Variants in EIF2AK3 observed in about 807,000 individuals in gnomAD.
The protein encoded by EIF2AK3 is eukaryotic translation initiation factor 2 alpha kinase 3, also known as eukaryotic translation initiation factor 2-alpha kinase 3.
In EIF2AK3, 50 loss-of-function variants were observed where a neutral mutation model predicts 113.5. The observed-to-expected ratio is 0.44, with a 90% CI of 0.35 to 0.56. EIF2AK3 has a LOEUF of 0.56. EIF2AK3 is among the 20% of genes least tolerant of loss of function. EIF2AK3 has a pLI of 0.00. For missense variants in EIF2AK3, 1,185 were observed against 1,378.0 expected (o/e 0.86, Z 2.22); for synonymous variants, 448 against 495.4 (o/e 0.90, Z 1.27).
At chr2:88,616,843 A>G (rs1408849357) in intron 1 of EIF2AK3, among the ~76,000 whole-genome samples, 1 of 152,222 alleles carries the variant, frequency 6.6e-6, no homozygotes, top group Non-Finnish European at 1.5e-5. Context: ...CTGGTCAGGA[A>G]TACAAGATGC....
At chr2:88,594,072 A>G (rs1172967337) in intron 3 of EIF2AK3, 3 of 295,370 alleles carry the variant, frequency 1.0e-5, no homozygotes, top group Non-Finnish European at 1.5e-5. Flanking sequence ...CCTCAACACA[A>G]TGCAGATGCA....
At chr2:88,592,463 G>C (rs1376453728) in intron 4 of EIF2AK3, among the ~76,000 whole-genome samples, 1 of 152,044 alleles carries the variant, frequency 6.6e-6, no homozygotes, top group Non-Finnish European at 1.5e-5. Flanking sequence ...TGATGAGATT[G>C]CTATAAAAAA....
intron 1 of EIF2AK3, among the ~76,000 whole-genome samples, chr2:88,618,688 G>A (rs1422951275): frequency 6.6e-6 from 1 of 152,198 alleles, no homozygotes; most frequent in Non-Finnish European, 1.5e-5. Context: ...TTATGATGTG[G>A]ATGAAGAAGG....
rs565364739 is a variant in EIF2AK3 at position 88,619,942 on chromosome 2, C to T, written c.309-6089G>A. 5.3e-4 allele frequency among the ~76,000 whole-genome samples: 71 copies of T among 133,384 alleles called. 1 individual carries two copies. The highest frequency in any genetic ancestry group is 1.9e-3 in the African/African-American group (67 of 35,180). 87.5% of individuals were successfully genotyped at this position (133,384 alleles called of 152,430 possible). On this transcript the variant is annotated intron_variant, in intron 1 of 16. Transcript: ENST00000303236. ...CTGCACTCCAGCCTGCACGACAGAG[C>T]GAGACTCCGTCTCAAAAAAAAAAAA...
At chr2:88,558,894 T>A in intron 16 of EIF2AK3, 23 bp downstream of exon 16, 1 of 1,552,486 alleles carries the variant, frequency 6.4e-7, no homozygotes. Context: ...CTAAAGAAGA[T>A]AAAAGATGAG....
At chr2:88,562,172 A>C in intron 15 of EIF2AK3, 117 bp downstream of exon 15, 2 of 785,854 alleles carry the variant, frequency 2.5e-6, no homozygotes, top group Non-Finnish European at 4.4e-6. Context: ...CACCTCTTTC[A>C]CTTTTAGTTA....
intron 2 of EIF2AK3, among the ~76,000 whole-genome samples, chr2:88,608,349 G>A (rs373441456): frequency 3.3e-5 from 5 of 152,070 alleles, no homozygotes; most frequent in African/African-American, 1.2e-4. Flanking sequence ...CAGGAGGCAC[G>A]TGCCACTGTG....
chr2:88,589,784 A>G (rs1285210190), intron 6 of EIF2AK3, among the ~76,000 whole-genome samples: 1 of 151,952 alleles, frequency 6.6e-6, no homozygotes, highest in Non-Finnish European at 1.5e-5. Context: ...CCTGGGGTCA[A>G]GCGATCCTCC....
At chr2:88,568,624 C>A (rs371554944) in intron 14 of EIF2AK3, among the ~76,000 whole-genome samples, 1 of 152,284 alleles carries the variant, frequency 6.6e-6, no homozygotes, top group East Asian at 1.9e-4. Flanking sequence ...ATGCTAATAA[C>A]CCTGATCCAA....
chr2:88,588,685 CA>C (rs1283792332), intron 7 of EIF2AK3, 75 bp downstream of exon 7: 40 of 1,537,756 alleles, frequency 2.6e-5, no homozygotes, highest in Middle Eastern at 1.7e-4. Flanking sequence ...CTGCAGTATT[CA>C]AAACTAGGGC....
In EIF2AK3 at chr2:88,627,297, G is replaced by A. The variant is rs1337892873; in HGVS notation, c.-23C>T. The A allele has an allele frequency of 2.7e-5, 40 of 1,476,424 alleles. No homozygotes were observed. Among genetic ancestry groups the A allele is most frequent in the African/African-American group, 7.3e-5 (5 of 68,498 alleles). 91.5% of individuals were successfully genotyped at this position (1,476,424 alleles called of 1,614,324 possible). The stretch of plus-strand genomic sequence containing the variant: ...CATCAGCGTCCCGCCCCGCGCGCAG[G>A]CATGGAGGCGCAGCCACTGACGCCT... On this transcript the variant is annotated 5_prime_UTR_variant, in exon 1 of 17. Transcript: ENST00000303236.
At chr2:88,626,571 C>T (rs1051112630) in intron 1 of EIF2AK3, among the ~76,000 whole-genome samples, 1 of 152,222 alleles carries the variant, frequency 6.6e-6, no homozygotes, top group African/African-American at 2.4e-5. Context: ...TGCTAAAGTC[C>T]TTTCTCAAAA....
At chr2:88,601,798 T>C (rs571050118) in intron 2 of EIF2AK3, among the ~76,000 whole-genome samples, 115 of 152,146 alleles carry the variant, frequency 7.6e-4, no homozygotes, top group African/African-American at 2.7e-3. Flanking sequence ...ATTTCTAATT[T>C]TGTCATTCTT....
Position 88,557,466 on chromosome 2 carries a change from A to G in EIF2AK3, c.*270T>C. Reference sequence around the variant, plus strand: ...GGATTGCTGCTACCTCCTTAGGCAAATGGTGAGGGCTATAAAGCTTGGCCA... The same window carrying G: ...GGATTGCTGCTACCTCCTTAGGCAAGTGGTGAGGGCTATAAAGCTTGGCCA... On this transcript the variant is annotated 3_prime_UTR_variant, in exon 17 of 17. Coordinates refer to ENST00000303236, the MANE Select transcript of EIF2AK3 (RefSeq NM_004836.7). The G allele has an allele frequency of 2.0e-6, 1 of 497,470 alleles. No homozygotes were observed. The highest frequency in any genetic ancestry group is 2.2e-5 in the South Asian group (1 of 46,208). The allele number at this position is 497,470 out of a possible 1,614,324, so 30.8% of individuals were successfully genotyped here. A position where few individuals can be genotyped will look rare whatever the true frequency, so the allele number is the denominator to read the frequency against.
intron 1 of EIF2AK3, among the ~76,000 whole-genome samples, chr2:88,619,859 G>C (rs1675675253): frequency 6.7e-6 from 1 of 150,202 alleles, no homozygotes; most frequent in Non-Finnish European, 1.5e-5. Flanking sequence ...GAGAGGCTGA[G>C]ACAGGAGAAT....
intron 4 of EIF2AK3, among the ~76,000 whole-genome samples, chr2:88,591,498 T>C (rs559039445): frequency 3.3e-5 from 5 of 152,146 alleles, no homozygotes; most frequent in Non-Finnish European, 7.4e-5. Context: ...TCAAGATGAA[T>C]GCACCAGTCT....
chr2:88,575,513 CCT>C, intron 12 of EIF2AK3, 67 bp from the exon 13 acceptor site: 3 of 1,558,214 alleles, frequency 1.9e-6, no homozygotes, highest in South Asian at 1.1e-5. Context: ...TGAACTGCAC[CCT>C]CTGTTTAAAA....
At chr2:88,558,750 CCA>C (rs1673855045) in intron 16 of EIF2AK3, among the ~76,000 whole-genome samples, 165 bp downstream of exon 16, 1 of 152,144 alleles carries the variant, frequency 6.6e-6, no homozygotes, top group African/African-American at 2.4e-5. Flanking sequence ...GGCCCCAGCT[CCA>C]GTGTTTGGTT....
chr2:88,589,473 CAG>C lies in EIF2AK3; in HGVS notation c.1166-574_1166-573del, dbSNP rs1382508064. Among the ~76,000 whole-genome samples the C allele has an allele frequency of 5.3e-5, 8 of 151,924 alleles. No individual in the cohort carries two copies. The East Asian group carries it at 1.2e-3, about 22-fold the overall frequency. ...GGCTTTCAATTGCCCAGAAGCACAC[CAG>C]AGTTTTATTTTTTAGATCAGTTGTA... is the stretch of plus-strand genomic sequence containing the variant. On this transcript the variant is annotated intron_variant, in intron 6 of 16. Coordinates refer to ENST00000303236, the MANE Select transcript of EIF2AK3 (RefSeq NM_004836.7).
Sources: allele counts gnomAD v4.1 joint callset (sites outside exome capture counted in the v4.1 genomes callset), GRCh38; gene constraint gnomAD v4.1.1; transcripts MANE v1.5; gene names NCBI Gene and HGNC (gene_info 2026-07-23, HGNC 2026-07-21).